The following ERCC3 variants were observed in gnomAD, a reference collection of about 807,000 sequenced individuals.
ERCC3 encodes the protein ERCC excision repair 3, TFIIH core complex helicase subunit.
Under a neutral mutation model 94.2 loss-of-function variants are expected in ERCC3, and 66 were observed. The ratio of observed to expected loss-of-function variants is 0.70; its 90% confidence interval spans 0.57 to 0.86. The LOEUF (loss-of-function observed/expected upper bound fraction) is 0.86. Among genes scored for constraint, ERCC3 ranks in the 40% least tolerant of loss-of-function variants. The probability of loss-of-function intolerance (pLI) is 0.00; values close to 1 mark genes in which losing one functional copy is unlikely to be tolerated. For missense variants in ERCC3, 829 were observed against 987.1 expected, an observed-to-expected ratio of 0.84 and a Z score of 2.15; for synonymous variants, 349 against 369.1, an observed-to-expected ratio of 0.95 and a Z score of 0.63.
intron 12 of ERCC3, among the ~76,000 whole-genome samples, chr2:127,265,401 A>T (rs1379880118): frequency 6.6e-6 from 1 of 151,988 alleles, no homozygotes; most frequent in Non-Finnish European, 1.5e-5. Context: ...TGTTAATCTA[A>T]CTAGCAGTCC....
chr2:127,271,025 C>T lies in ERCC3; in HGVS notation c.1945+311G>A, dbSNP rs1208766107. Among the ~76,000 whole-genome samples, 2 of 152,212 alleles carry T rather than the reference C, an allele frequency of 1.3e-5. No homozygotes were observed. The highest frequency in any genetic ancestry group is 2.9e-5 in the Non-Finnish European group (2 of 68,038). ...CTGGTGGCCCAGCTCTGTTTTCTCC[C>T]TTCCATGTCTACCCCATAAGCACTG... On this transcript the variant is annotated intron_variant, in intron 12 of 14. Coordinates refer to ENST00000285398, the MANE Select transcript of ERCC3 (RefSeq NM_000122.2). The surrounding 1 kb of genome is among the most constrained non-coding windows in gnomAD (Gnocchi z 5.0).
chr2:127,293,382 TG>T, intron 2 of ERCC3, 130 bp downstream of exon 2: 1 of 860,620 alleles, frequency 1.2e-6, no homozygotes. Flanking sequence ...CCAACGTGTG[TG>T]GATGAAAATT....
intron 12 of ERCC3, among the ~76,000 whole-genome samples, chr2:127,269,710 C>A (rs761578149): frequency 6.6e-6 from 1 of 150,996 alleles, no homozygotes; most frequent in Non-Finnish European, 1.5e-5. Flanking sequence ...CGTGAGCCAC[C>A]GCGCCTGGCC....
At chr2:127,287,399 G>A (rs1013748224) in intron 7 of ERCC3, among the ~76,000 whole-genome samples, 3 of 152,072 alleles carry the variant, frequency 2.0e-5, no homozygotes, top group African/African-American at 7.2e-5. Context: ...TTGGGAGGCC[G>A]AGGTGGGTAG....
intron 8 of ERCC3, among the ~76,000 whole-genome samples, chr2:127,286,499 T>C (rs1685070272): frequency 6.6e-6 from 1 of 151,044 alleles, no homozygotes; most frequent in Admixed American, 6.6e-5. Context: ...TGAGCTGAGA[T>C]CGTGCCACTG....
chr2:127,284,498 G>A lies in ERCC3; in HGVS notation c.1342+2205C>T, dbSNP rs1291598854. 1.3e-5 allele frequency among the ~76,000 whole-genome samples: 2 copies of A among 152,254 alleles called. No homozygotes were observed. The highest frequency in any genetic ancestry group is 3.9e-4 in the East Asian group (2 of 5,180). ...TCAGAAAGACCTCCAATCCCTCCCTGGCCAGCTGTGAACATCTCTAGGTAT... is the reference window on the plus strand; with the variant it reads ...TCAGAAAGACCTCCAATCCCTCCCTAGCCAGCTGTGAACATCTCTAGGTAT... On this transcript the variant is annotated intron_variant, in intron 8 of 14. Transcript: ENST00000285398. The surrounding 1 kb of genome is among the most constrained non-coding windows in gnomAD (Gnocchi z 4.1).
At chr2:127,261,127 C>A in intron 13 of ERCC3, 101 bp downstream of exon 13, 1 of 782,570 alleles carries the variant, frequency 1.3e-6, no homozygotes, top group Non-Finnish European at 2.4e-6. Flanking sequence ...TCTCCTAATG[C>A]TTGGTGCCTG....
intron 8 of ERCC3, 145 bp downstream of exon 8, chr2:127,286,558 A>T: frequency 1.3e-6 from 1 of 751,412 alleles, no homozygotes; most frequent in Non-Finnish European, 2.2e-6. Flanking sequence ...AAAAAAAAAA[A>T]AGAACTATTA....
intron 4 of ERCC3, 90 bp downstream of exon 4, chr2:127,290,134 A>G (rs902909714): frequency 1.0e-5 from 11 of 1,063,152 alleles, no homozygotes; most frequent in Non-Finnish European, 1.6e-5. Flanking sequence ...AAGACAGCAT[A>G]AACATCAGGT....
chr2:127,265,427 C>CT (rs981614996), intron 12 of ERCC3, among the ~76,000 whole-genome samples: 17 of 150,696 alleles, frequency 1.1e-4, no homozygotes, highest in African/African-American at 3.2e-4. Flanking sequence ...TCTTATTTAT[C>CT]TTTTTTTTTG....
At chr2:127,275,972 GGA>G (rs770674981) in intron 10 of ERCC3, among the ~76,000 whole-genome samples, 1 of 152,204 alleles carries the variant, frequency 6.6e-6, no homozygotes, top group Non-Finnish European at 1.5e-5. Flanking sequence ...GAGAAGGTGG[GGA>G]GGTGCACAGG....
In ERCC3 at chr2:127,257,552, A is replaced by C; in HGVS notation, c.*44T>G. 1 of 1,611,986 alleles carries C rather than the reference A, an allele frequency of 6.2e-7. No individual in the cohort carries two copies. Among genetic ancestry groups the C allele is most frequent in the Non-Finnish European group, 8.5e-7 (1 of 1,179,462 alleles). Reference sequence around the variant, plus strand: ...TTATGCTGAAAATCCCTTTCCAACAAGGGTGCCAAGCGCCGGTCTTGAACG... The same window carrying C: ...TTATGCTGAAAATCCCTTTCCAACACGGGTGCCAAGCGCCGGTCTTGAACG... On this transcript the variant is annotated 3_prime_UTR_variant, in exon 15 of 15. Coordinates refer to ENST00000285398, the MANE Select transcript of ERCC3 (RefSeq NM_000122.2). This position sits in a 1 kb window ranked among gnomAD's most constrained non-coding sequence, Gnocchi z 5.4.
chr2:127,267,836 G>T (rs193161098), intron 12 of ERCC3, among the ~76,000 whole-genome samples: 257 of 152,260 alleles, frequency 1.7e-3, no homozygotes, highest in African/African-American at 5.9e-3. Context: ...GTCTGGGAAA[G>T]ATTTTATTTC....
rs1684103001 is a variant in ERCC3 at position 127,258,911 on chromosome 2, CTG to C, written c.2217+383_2217+384del. 2.6e-5 allele frequency among the ~76,000 whole-genome samples: 4 copies of C among 152,204 alleles called. No individual in the cohort carries two copies. In the South Asian group the frequency reaches 8.3e-4, roughly 31 times the overall value. ...TCACTGAGGAGGAACCAGAGGAGAA[CTG>C]TGTGGCCACAGCCAGGGATGGCAGC... is the stretch of plus-strand genomic sequence containing the variant. On this transcript the variant is annotated intron_variant, in intron 14 of 14. Transcript: ENST00000285398. This position sits in a 1 kb window ranked among gnomAD's most constrained non-coding sequence, Gnocchi z 4.1.
In ERCC3 at chr2:127,259,831, C is replaced by T; in HGVS notation, c.2065-383G>A. 1 of 337,588 alleles carries T rather than the reference C, an allele frequency of 3.0e-6. No homozygotes were observed. Among genetic ancestry groups the T allele is most frequent in the Non-Finnish European group, 5.8e-6 (1 of 173,560 alleles). The allele number at this position is 337,588 out of a possible 1,614,324, so 20.9% of individuals were successfully genotyped here. A position where few individuals can be genotyped will look rare whatever the true frequency, so the allele number is the denominator to read the frequency against. On this transcript the variant is annotated intron_variant, in intron 13 of 14. Coordinates refer to ENST00000285398, the MANE Select transcript of ERCC3 (RefSeq NM_000122.2). This position sits in a 1 kb window ranked among gnomAD's most constrained non-coding sequence, Gnocchi z 4.9. ...GTGACTGGAAGGCACAGGCTGTGGC[C>T]CTTTGTGAAGGTCCCTGGCATCTGC...
At chr2:127,268,990 G>A (rs932405215) in intron 12 of ERCC3, among the ~76,000 whole-genome samples, 1 of 152,166 alleles carries the variant, frequency 6.6e-6, no homozygotes, top group Admixed American at 6.5e-5. Flanking sequence ...CAACTGAGAT[G>A]GCTACTAAGT....
chr2:127,289,779 G>A lies in ERCC3; in HGVS notation c.567C>T (p.Leu189=), dbSNP rs1451938310. 4 of 1,613,964 alleles carry A rather than the reference G, an allele frequency of 2.5e-6. No homozygotes were observed. The African/African-American group carries it at 4.0e-5, about 16-fold the overall frequency. The change falls in exon 5 of 15, where the codon CTC becomes CTT. Residue 189 remains leucine (L), a synonymous_variant. Transcript: ENST00000285398. ...SCHPDVIQHL[L]QDPVIRECRL... ...GGCATTCTCGGATCACGGGGTCCTG[G>A]AGAAGATGCTGGATTACATCAGGGT...
In ERCC3 at chr2:127,292,690, G is replaced by T; in HGVS notation, c.391C>A (p.Leu131Met). The change falls in exon 3 of 15, where the codon CTG (leucine) becomes ATG (methionine). Residue 131 changes from leucine (L) to methionine (M), a missense_variant. By Grantham distance (15) the Leu-to-Met change is conservative. Coordinates refer to ENST00000285398, the MANE Select transcript of ERCC3 (RefSeq NM_000122.2). ...YSLYAAVSVGLQTSDITEYLR... is the reference protein window; with the variant it reads ...YSLYAAVSVGMQTSDITEYLR... Reference sequence around the variant, plus strand: ...TACTCGGTGATGTCACTGGTTTGCAGCCCAACGCTGACAGCTGCATACAAG... The same window carrying T: ...TACTCGGTGATGTCACTGGTTTGCATCCCAACGCTGACAGCTGCATACAAG... 1 of 1,614,158 alleles carries T rather than the reference G, an allele frequency of 6.2e-7. No homozygotes were observed.
At position 127,293,663 on chromosome 2, in the gene ERCC3, GTCCTCTTCATCA is replaced by G. The variant is rs752887149; in HGVS notation, c.72_83del (p.Asp25_Asp28del). 2 of 1,614,046 alleles carry G rather than the reference GTCCTCTTCATCA, an allele frequency of 1.2e-6. No individual in the cohort carries two copies. The highest frequency in any genetic ancestry group is 1.1e-5 in the South Asian group (1 of 91,090). ...CTTCCTGAGGGTCGTTCCCCGGGGCGTCCTCTTCATCATCCTCTTCATCCTCATAGTGCCGCT... is the reference window on the plus strand; with the variant it reads ...CTTCCTGAGGGTCGTTCCCCGGGGCGTCCTCTTCATCCTCATAGTGCCGCT... On this transcript the variant is annotated inframe_deletion, in exon 2 of 15. Coordinates refer to ENST00000285398, the MANE Select transcript of ERCC3 (RefSeq NM_000122.2).
Sources: allele counts gnomAD v4.1 joint callset (sites outside exome capture counted in the v4.1 genomes callset), GRCh38; gene constraint gnomAD v4.1.1; non-coding constraint Gnocchi (gnomAD v3.1); transcripts MANE v1.5; gene names NCBI Gene and HGNC (gene_info 2026-07-23, HGNC 2026-07-21).